Variants in CFAP20DC observed in about 807,000 individuals in gnomAD.
CFAP20DC encodes the protein protein CFAP20DC.
A neutral mutation model predicts 101.7 loss-of-function variants in CFAP20DC; 84 were observed. The observed-to-expected ratio is 0.83, with a 90% confidence interval of 0.69 to 0.99. The LOEUF (loss-of-function observed/expected upper bound fraction) is 0.99. Among genes scored for constraint, CFAP20DC ranks in the 50% least tolerant of loss-of-function variants. The pLI, the probability that CFAP20DC is intolerant of heterozygous loss-of-function variation, is 0.00. For synonymous variants in CFAP20DC, 359 were observed against 351.2 expected (o/e 1.02, Z -0.25); for missense variants, 1,007 against 970.3 (o/e 1.04, Z -0.50).
At chr3:58,908,661 T>C (rs2083843141) in intron 6 of CFAP20DC, among the ~76,000 whole-genome samples, 1 of 152,182 alleles carries the variant, frequency 6.6e-6, no homozygotes, top group Non-Finnish European at 1.5e-5. Context: ...TATATCCAAA[T>C]GAGTTGAAAA....
intron 4 of CFAP20DC, among the ~76,000 whole-genome samples, chr3:58,972,507 T>C (rs1363956448): frequency 6.6e-6 from 1 of 152,196 alleles, no homozygotes; most frequent in Non-Finnish European, 1.5e-5. Context: ...TGGATTGCAT[T>C]AGTGAAATAC....
At position 58,859,158 on chromosome 3, in the gene CFAP20DC, T is replaced by C. The variant is rs1324905209; in HGVS notation, c.1593+4400A>G. ...ATAAAATAAAAGGAAGATACCACAG[T>C]TTTAAACAAGTAACTAACCTGCAGC... is the stretch of plus-strand genomic sequence containing the variant. On this transcript the variant is annotated intron_variant, in intron 12 of 16. Transcript: ENST00000482387. This position sits in a 1 kb window ranked among gnomAD's most constrained non-coding sequence, Gnocchi z 4.1. Among the ~76,000 whole-genome samples, 2 of 152,154 alleles carry C rather than the reference T, an allele frequency of 1.3e-5. No individual in the cohort carries two copies. Among genetic ancestry groups the C allele is most frequent in the Non-Finnish European group, 2.9e-5 (2 of 68,024 alleles).
intron 5 of CFAP20DC, among the ~76,000 whole-genome samples, chr3:58,920,238 A>C (rs1193304265): frequency 6.6e-6 from 1 of 151,776 alleles, no homozygotes; most frequent in Non-Finnish European, 1.5e-5. Flanking sequence ...CCACAGCCAT[A>C]AGCCAACATG....
chr3:58,877,246 G>A (rs1300082698), intron 7 of CFAP20DC, among the ~76,000 whole-genome samples: 1 of 152,154 alleles, frequency 6.6e-6, no homozygotes, highest in Non-Finnish European at 1.5e-5. Flanking sequence ...CTAGTACTGT[G>A]TAAGACAGGG....
intron 15 of CFAP20DC, among the ~76,000 whole-genome samples, chr3:58,765,924 T>G (rs2070268924): frequency 6.6e-6 from 1 of 152,224 alleles, no homozygotes; most frequent in South Asian, 2.1e-4. Context: ...TATTAAAAGC[T>G]GGTGAAAACT....
intron 13 of CFAP20DC, among the ~76,000 whole-genome samples, chr3:58,840,357 G>A (rs1278031528): frequency 6.6e-6 from 1 of 152,144 alleles, no homozygotes; most frequent in Non-Finnish European, 1.5e-5. Context: ...TACTAGTTAT[G>A]CCCAAATTCA....
At position 58,870,164 on chromosome 3, in the gene CFAP20DC, T is replaced by C. The variant is rs1246968915; in HGVS notation, c.852+9A>G. On this transcript the variant is annotated intron_variant, in intron 8 of 16. Coordinates refer to ENST00000482387, the MANE Select transcript of CFAP20DC (RefSeq NM_001394063.1). Reference sequence around the variant, plus strand: ...GTGCTTAGATAAGCTCTCCAAACCTTGCTCCTACCTCGCTGGATATCTTCA... The same window carrying C: ...GTGCTTAGATAAGCTCTCCAAACCTCGCTCCTACCTCGCTGGATATCTTCA... 1 of 1,609,054 alleles carries C rather than the reference T, an allele frequency of 6.2e-7. No homozygotes were observed. Among genetic ancestry groups the C allele is most frequent in the Admixed American group, 1.7e-5 (1 of 59,806 alleles).
At chr3:59,044,270 T>C (rs1182266791) in intron 3 of CFAP20DC, among the ~76,000 whole-genome samples, 2 of 152,150 alleles carry the variant, frequency 1.3e-5, no homozygotes, top group African/African-American at 4.8e-5. Context: ...ATTCAAGGCA[T>C]GTCATTCAAT....
Position 58,722,149 on chromosome 3 carries a change from G to C in CFAP20DC, c.198-4521C>G, listed in dbSNP as rs2067481877. Among the ~76,000 whole-genome samples the C allele has an allele frequency of 6.6e-6, 1 of 152,192 alleles. No individual in the cohort carries two copies. Among genetic ancestry groups the C allele is most frequent in the Admixed American group, 6.5e-5 (1 of 15,282 alleles). ...GGAGAGGCCACATGTAGACCCTCTG[G>C]TCAATGGTCCCAGCTAAAGCCCAGC... is the stretch of plus-strand genomic sequence containing the variant. On this transcript the variant is annotated intron_variant, in intron 3 of 3. Transcript: ENST00000486145. The surrounding 1 kb of genome is among the most constrained non-coding windows in gnomAD (Gnocchi z 4.5).
intron 3 of CFAP20DC, among the ~76,000 whole-genome samples, chr3:58,719,400 C>G (rs1250822761): frequency 6.6e-6 from 1 of 152,182 alleles, no homozygotes; most frequent in African/African-American, 2.4e-5. Context: ...AATTTGCACA[C>G]CAGCTTCAGT....
intron 6 of CFAP20DC, among the ~76,000 whole-genome samples, chr3:58,901,675 G>T (rs1304316827): frequency 2.0e-5 from 3 of 152,084 alleles, no homozygotes; most frequent in Non-Finnish European, 4.4e-5. Context: ...GTCTGAAGGG[G>T]TAAATAAACC....
Position 58,958,068 on chromosome 3 carries a change from A to G in CFAP20DC, c.279-20306T>C, listed in dbSNP as rs560896978. ...ACCTAGTTTCCATGATGTAATTATT[A>G]CATATTACACATGCCTGTATCAAAA... On this transcript the variant is annotated intron_variant, in intron 4 of 16. Transcript: ENST00000482387. Among the ~76,000 whole-genome samples the G allele has an allele frequency of 5.1e-4, 78 of 152,300 alleles. 1 individual carries two copies. The highest frequency in any genetic ancestry group is 1.8e-3 in the African/African-American group (76 of 41,568).
intron 3 of CFAP20DC, among the ~76,000 whole-genome samples, chr3:58,730,807 T>C (rs1421430148): frequency 1.3e-5 from 2 of 152,186 alleles, no homozygotes; most frequent in Non-Finnish European, 2.9e-5. Context: ...TTTAAAGTAA[T>C]TCATCATACA....
chr3:58,885,970 TG>T (rs1371371960), intron 6 of CFAP20DC, among the ~76,000 whole-genome samples: 3 of 152,174 alleles, frequency 2.0e-5, no homozygotes, highest in African/African-American at 4.8e-5. Context: ...TTTCTGTTCA[TG>T]TTTGTAAGCC....
chr3:58,787,790 T>C (rs1050785521), intron 15 of CFAP20DC, among the ~76,000 whole-genome samples: 13 of 152,098 alleles, frequency 8.5e-5, no homozygotes, highest in African/African-American at 2.9e-4. Flanking sequence ...GTATACACCA[T>C]GAAATACTAT....
Position 58,874,342 on chromosome 3 carries a change from C to CATGTAAGTCACAT in CFAP20DC, c.716-4034_716-4033insATGTGACTTACAT, listed in dbSNP as rs2080550911. The stretch of plus-strand genomic sequence containing the variant: ...CTTACTGTGTGACTTACTGTGTCCA[C>CATGTAAGTCACAT]GCTGGTGCCCCATGCCATCCCTCCT... On this transcript the variant is annotated intron_variant, in intron 7 of 16. Coordinates refer to ENST00000482387, the MANE Select transcript of CFAP20DC (RefSeq NM_001394063.1). The surrounding 1 kb of genome is among the most constrained non-coding windows in gnomAD (Gnocchi z 5.1). Among the ~76,000 whole-genome samples the CATGTAAGTCACAT allele has an allele frequency of 6.6e-6, 1 of 152,186 alleles. No homozygotes were observed. The highest frequency in any genetic ancestry group is 1.5e-5 in the Non-Finnish European group (1 of 68,024).
rs115459112 is a variant in CFAP20DC, at chr3:58,990,189, A to C, written c.278+49368T>G. On this transcript the variant is annotated intron_variant, in intron 4 of 16. Coordinates refer to ENST00000482387, the MANE Select transcript of CFAP20DC (RefSeq NM_001394063.1). ...TGAGATGAAGAAATTAACAACTCCA[A>C]AGAGACAGAAATACTGGCATAGTAA... Among the ~76,000 whole-genome samples, 642 of 152,284 alleles carry C rather than the reference A, an allele frequency of 4.2e-3. 3 individuals are homozygous for C. The highest frequency in any genetic ancestry group is 0.015 in the African/African-American group (618 of 41,550).
chr3:58,949,352 T>G (rs1656947476), intron 4 of CFAP20DC, among the ~76,000 whole-genome samples: 1 of 152,204 alleles, frequency 6.6e-6, no homozygotes, highest in South Asian at 2.1e-4. Flanking sequence ...CTCTTGCTTC[T>G]CTAGTTCTTT....
chr3:58,871,773 C>A (rs181500440), intron 7 of CFAP20DC, among the ~76,000 whole-genome samples: 2 of 152,262 alleles, frequency 1.3e-5, no homozygotes, highest in East Asian at 1.9e-4. Flanking sequence ...AGTGATCCAC[C>A]TGACTCAGCT....
Sources: gnomAD v4.1 joint callset for allele counts (sites outside exome capture counted in the v4.1 genomes callset) on GRCh38, gnomAD v4.1.1 for gene constraint, Gnocchi (gnomAD v3.1) non-coding constraint, MANE v1.5 for transcripts, NCBI Gene and HGNC (gene_info 2026-07-23, HGNC 2026-07-21) for gene names.